Variants in NEGR1 observed in about 807,000 individuals in gnomAD.
NEGR1 encodes the protein neuronal growth regulator 1, also known as IgLON family member 4.
A neutral mutation model predicts 40.9 loss-of-function variants in NEGR1; 10 were observed. That is an observed-to-expected ratio of 0.24 (90% CI 0.15 to 0.42). The LOEUF (loss-of-function observed/expected upper bound fraction) is 0.42, where lower values mean the gene tolerates loss of function less well. NEGR1 is among the 10% of genes least tolerant of loss of function. The probability of loss-of-function intolerance (pLI) is 1.00; values close to 1 mark genes in which losing one functional copy is unlikely to be tolerated. For synonymous variants in NEGR1, 185 were observed against 166.8 expected (o/e 1.11, Z -0.84); for missense variants, 352 against 438.9 (o/e 0.80, Z 1.77).
chr1:71,916,260 A>G (rs1661579185), intron 2 of NEGR1, among the ~76,000 whole-genome samples: 1 of 152,056 alleles, frequency 6.6e-6, no homozygotes, highest in Admixed American at 6.5e-5. Flanking sequence ...AAAGTTAAAT[A>G]AAGTATAAAG....
chr1:71,850,446 C>A (rs561408436), intron 2 of NEGR1, among the ~76,000 whole-genome samples: 3 of 152,220 alleles, frequency 2.0e-5, no homozygotes, highest in Non-Finnish European at 2.9e-5. Flanking sequence ...CGAGCCACCA[C>A]GCCCAGCCAA....
At chr1:71,988,545 CAAAAAAAAAAA>C (rs1197884975) in intron 1 of NEGR1, among the ~76,000 whole-genome samples, 2 of 39,756 alleles carry the variant, frequency 5.0e-5, no homozygotes, top group East Asian at 6.2e-4. Context: ...GACTCCGTCT[CAAAAAAAAAAA>C]AAAAAAAAAA....
chr1:72,253,078 AGACCT>A (rs1655159253), intron 1 of NEGR1, among the ~76,000 whole-genome samples: 1 of 152,192 alleles, frequency 6.6e-6, no homozygotes, highest in South Asian at 2.1e-4. Context: ...TGGCTCTTTT[AGACCT>A]GAAGATGTTG....
intron 1 of NEGR1, among the ~76,000 whole-genome samples, chr1:71,995,327 AGC>A (rs1206125110): frequency 3.9e-5 from 6 of 152,148 alleles, no homozygotes; most frequent in Admixed American, 3.9e-4. Flanking sequence ...TTCAGGAAAT[AGC>A]CCATGAAGGA....
chr1:72,099,392 A>G (rs895609670), intron 1 of NEGR1, among the ~76,000 whole-genome samples: 3 of 151,976 alleles, frequency 2.0e-5, no homozygotes, highest in Non-Finnish European at 4.4e-5. Flanking sequence ...ACTCTTCATT[A>G]CTTAGTCATT....
At chr1:71,863,134 A>G (rs1166856468) in intron 2 of NEGR1, among the ~76,000 whole-genome samples, 1 of 152,182 alleles carries the variant, frequency 6.6e-6, no homozygotes, top group Non-Finnish European at 1.5e-5. Flanking sequence ...TTCTGTTATA[A>G]AGACACATGC....
intron 6 of NEGR1, among the ~76,000 whole-genome samples, chr1:71,536,657 T>C (rs528953475): frequency 1.3e-5 from 2 of 151,888 alleles, no homozygotes; most frequent in South Asian, 4.1e-4. Flanking sequence ...AAGATAACTA[T>C]AGAATCCAGA....
intron 2 of NEGR1, among the ~76,000 whole-genome samples, chr1:71,919,463 CT>C (rs748123532): frequency 2.5e-4 from 37 of 148,458 alleles, no homozygotes; most frequent in Admixed American, 7.4e-4. Context: ...ATTAGCTAAT[CT>C]TTTTTGTCTT....
intron 4 of NEGR1, among the ~76,000 whole-genome samples, chr1:71,622,849 C>A (rs984624553): frequency 6.6e-6 from 1 of 151,840 alleles, no homozygotes; most frequent in African/African-American, 2.4e-5. Flanking sequence ...CTCCAAAGAT[C>A]TAATAGTAAA....
Position 71,703,147 on chromosome 1 carries a change from AG to A in NEGR1, c.536-5009del, listed in dbSNP as rs536589430. 1.9e-3 allele frequency: 283 copies of A among 152,282 alleles called. 2 individuals are homozygous for A. Among genetic ancestry groups the A allele is most frequent in the African/African-American group, 6.6e-3 (276 of 41,580 alleles). The allele number at this position is 152,282 out of a possible 1,614,324, so 9.4% of individuals were successfully genotyped here. A position where few individuals can be genotyped will look rare whatever the true frequency, so the allele number is the denominator to read the frequency against. ...TTTCTAGAGCTCAGACAAGGTAAAG[AG>A]ACATTGATCTTTGATGAACAAGAAT... is the stretch of plus-strand genomic sequence containing the variant. On this transcript the variant is annotated intron_variant, in intron 3 of 6. Coordinates refer to ENST00000357731, the MANE Select transcript of NEGR1 (RefSeq NM_173808.3).
intron 1 of NEGR1, among the ~76,000 whole-genome samples, chr1:72,116,056 C>T (rs1335273783): frequency 6.6e-6 from 1 of 151,652 alleles, no homozygotes; most frequent in Non-Finnish European, 1.5e-5. Context: ...AATATTATGT[C>T]AGCAAGGAGA....
chr1:71,753,899 T>TA (rs1162236361), intron 3 of NEGR1, among the ~76,000 whole-genome samples: 2 of 152,130 alleles, frequency 1.3e-5, no homozygotes, highest in Non-Finnish European at 1.5e-5. Flanking sequence ...CACCTCCTGT[T>TA]ACAGACCACA....
intron 2 of NEGR1, among the ~76,000 whole-genome samples, chr1:71,917,524 C>G (rs1661618264): frequency 6.6e-6 from 1 of 152,060 alleles, no homozygotes; most frequent in Non-Finnish European, 1.5e-5. Context: ...GGTGCGGTGG[C>G]TCATGCTTGT....
intron 2 of NEGR1, among the ~76,000 whole-genome samples, chr1:71,816,254 C>T (rs1259672237): frequency 6.6e-6 from 1 of 151,996 alleles, no homozygotes; most frequent in African/African-American, 2.4e-5. Flanking sequence ...GTCTTCTTTT[C>T]CCTCAAACTT....
intron 2 of NEGR1, among the ~76,000 whole-genome samples, chr1:71,926,567 G>T: frequency 6.7e-6 from 1 of 150,282 alleles, no homozygotes. Flanking sequence ...TTTCTGCTAT[G>T]AACTCACAAA....
At chr1:72,181,916 T>C (rs1652390908) in intron 1 of NEGR1, among the ~76,000 whole-genome samples, 1 of 151,934 alleles carries the variant, frequency 6.6e-6, no homozygotes, top group Non-Finnish European at 1.5e-5. Context: ...AATGGAGAGG[T>C]GTATCTCAGA....
intron 6 of NEGR1, among the ~76,000 whole-genome samples, chr1:71,442,705 T>A (rs943304265): frequency 6.6e-5 from 10 of 152,210 alleles, no homozygotes; most frequent in African/African-American, 2.2e-4. Flanking sequence ...TTTTTTAAAG[T>A]GCAGGGAAAC....
At chr1:72,212,815 T>C (rs1653660123) in intron 1 of NEGR1, among the ~76,000 whole-genome samples, 1 of 151,800 alleles carries the variant, frequency 6.6e-6, no homozygotes, top group Admixed American at 6.6e-5. Context: ...CTGCACTTCA[T>C]AAGCCAGCAA....
chr1:72,135,843 G>C (rs543129137), intron 1 of NEGR1, among the ~76,000 whole-genome samples: 1 of 152,320 alleles, frequency 6.6e-6, no homozygotes, highest in South Asian at 2.1e-4. Flanking sequence ...ATGCAATAGA[G>C]TGACTACTTT....
Sources: gnomAD v4.1 joint callset for allele counts (sites outside exome capture counted in the v4.1 genomes callset) on GRCh38, gnomAD v4.1.1 for gene constraint, MANE v1.5 for transcripts, NCBI Gene and HGNC (gene_info 2026-07-23, HGNC 2026-07-21) for gene names.